The following ABCC1 variants were observed in gnomAD, a reference collection of about 807,000 sequenced individuals.
ABCC1 encodes the protein ATP binding cassette subfamily C member 1 (ABCC1 blood group).
A neutral mutation model predicts 172.9 loss-of-function variants in ABCC1; 83 were observed. The ratio of observed to expected loss-of-function variants is 0.48; its 90% CI spans 0.40 to 0.58. The LOEUF (loss-of-function observed/expected upper bound fraction) is 0.58, where lower values mean the gene tolerates loss of function less well. Among genes scored for constraint, ABCC1 ranks in the 20% least tolerant of loss-of-function variants. ABCC1 has a pLI of 0.00. For missense variants in ABCC1, 1,817 were observed against 2,002.7 expected, an observed-to-expected ratio of 0.91 and a Z score of 1.77; for synonymous variants, 937 against 825.2, an observed-to-expected ratio of 1.14 and a Z score of -2.32.
intron 23 of ABCC1, among the ~76,000 whole-genome samples, chr16:16,120,088 C>G (rs1291185496): frequency 6.6e-6 from 1 of 152,106 alleles, no homozygotes; most frequent in Non-Finnish European, 1.5e-5. Flanking sequence ...GCAATTAACG[C>G]CCGTGCCGCC....
At chr16:15,971,318 G>A (rs8047230) in intron 1 of ABCC1, among the ~76,000 whole-genome samples, 7,893 of 152,128 alleles carry the variant, frequency 0.052, 685 homozygotes, top group African/African-American at 0.18. Context: ...GTGTGGTGGC[G>A]GCCATGTTGC....
chr16:16,118,221 G>T (rs535987605), intron 23 of ABCC1, among the ~76,000 whole-genome samples: 3 of 152,078 alleles, frequency 2.0e-5, no homozygotes, highest in Non-Finnish European at 4.4e-5. Context: ...CAAAACAAGA[G>T]TAAGAAACCA....
intron 30 of ABCC1, among the ~76,000 whole-genome samples, chr16:16,139,672 A>G (rs1431100427): frequency 6.6e-6 from 1 of 151,890 alleles, no homozygotes; most frequent in Non-Finnish European, 1.5e-5. Context: ...ATACTAACAC[A>G]GTCATAAAAT....
chr16:16,069,677 A>T (rs939297259), intron 13 of ABCC1, among the ~76,000 whole-genome samples: 2 of 152,106 alleles, frequency 1.3e-5, no homozygotes, highest in African/African-American at 4.8e-5. Context: ...TGTCAAGTGT[A>T]CACAGAAGTA....
chr16:16,048,915 G>A (rs1181045260), intron 10 of ABCC1, among the ~76,000 whole-genome samples: 3 of 152,072 alleles, frequency 2.0e-5, no homozygotes, highest in Non-Finnish European at 2.9e-5. Flanking sequence ...CCTGGAAGGC[G>A]GAGGTTGCGG....
At chr16:16,141,020 G>A (rs2046106362) in intron 30 of ABCC1, among the ~76,000 whole-genome samples, 153 bp from the exon 31 acceptor site, 1 of 152,314 alleles carries the variant, frequency 6.6e-6, no homozygotes, top group South Asian at 2.1e-4. Context: ...TAGGGATTGA[G>A]GGTGAGCAAC....
chr16:16,054,221 C>T (rs1052379056), intron 11 of ABCC1, among the ~76,000 whole-genome samples: 30 of 152,034 alleles, frequency 2.0e-4, no homozygotes, highest in Non-Finnish European at 2.2e-4. Flanking sequence ...ATGATCCACC[C>T]GCCTCGGCCT....
At chr16:15,984,115 A>G (rs215064) in intron 1 of ABCC1, among the ~76,000 whole-genome samples, 131,270 of 152,164 alleles carry the variant, frequency 0.86, 56,877 homozygotes, top group African/African-American at 0.91. Flanking sequence ...GCAAAAGATG[A>G]GCAGCCTCCC....
In ABCC1 at chr16:16,122,056, A is replaced by G; in HGVS notation, c.3472A>G (p.Thr1158Ala). The G allele has an allele frequency of 6.2e-7, 1 of 1,614,050 alleles. No homozygotes were observed. Among genetic ancestry groups the G allele is most frequent in the Non-Finnish European group, 8.5e-7 (1 of 1,180,016 alleles). ...CCCGGTCTATTCCCATTTCAACGAG[A>G]CCTTGCTGGGGGTCAGCGTCATTCG... ...RSPVYSHFNE[T>A]LLGVSVIRAF... Residue 1158 changes from threonine (T) to alanine (A), a missense_variant, in exon 24 of 31, where the codon ACC (threonine) becomes GCC (alanine). Physicochemically the swap from Thr to Ala is moderately conservative, Grantham distance 58. This residue lies in a region of ABCC1 where 1,412 missense variants were observed against 1,600.3 expected (regional missense o/e 0.88). Coordinates refer to ENST00000399410, the MANE Select transcript of ABCC1 (RefSeq NM_004996.4).
intron 7 of ABCC1, among the ~76,000 whole-genome samples, chr16:16,042,645 G>A (rs1254884588): frequency 6.6e-6 from 1 of 151,498 alleles, no homozygotes; most frequent in Non-Finnish European, 1.5e-5. Flanking sequence ...GGAGGTTGCA[G>A]GGAGTCAGGA....
At chr16:16,049,548 C>T (rs1472807187) in intron 10 of ABCC1, among the ~76,000 whole-genome samples, 2 of 152,136 alleles carry the variant, frequency 1.3e-5, no homozygotes, top group Non-Finnish European at 2.9e-5. Context: ...CCTGCTCATC[C>T]CCCAAGGCTG....
intron 1 of ABCC1, among the ~76,000 whole-genome samples, chr16:15,972,889 C>T (rs1229522500): frequency 1.4e-5 from 2 of 146,878 alleles, no homozygotes; most frequent in African/African-American, 2.5e-5. Context: ...ACCTCTACCT[C>T]CTAGGCTGAA....
At chr16:16,075,680 A>G (rs2050530193) in intron 14 of ABCC1, among the ~76,000 whole-genome samples, 1 of 151,570 alleles carries the variant, frequency 6.6e-6, no homozygotes. Flanking sequence ...TGTCTCCGAC[A>G]CTCTCCCCTT....
intron 24 of ABCC1, among the ~76,000 whole-genome samples, 190 bp downstream of exon 24, chr16:16,122,364 T>G (rs1005629327): frequency 1.3e-5 from 2 of 152,132 alleles, no homozygotes; most frequent in Non-Finnish European, 2.9e-5. Flanking sequence ...ACTGTAGACA[T>G]GCAGTGCCCG....
intron 1 of ABCC1, among the ~76,000 whole-genome samples, chr16:15,958,626 C>T (rs761625228): frequency 3.3e-5 from 5 of 152,152 alleles, no homozygotes; most frequent in African/African-American, 1.2e-4. Flanking sequence ...AACTCTAGCT[C>T]GTGAAAACTT....
intron 14 of ABCC1, among the ~76,000 whole-genome samples, chr16:16,072,427 C>T (rs1458858190): frequency 1.3e-5 from 2 of 151,748 alleles, no homozygotes; most frequent in Non-Finnish European, 2.9e-5. Flanking sequence ...TCAAGCAATC[C>T]ACCTGCCTCA....
At chr16:16,102,899 C>T (rs1436441382) in intron 20 of ABCC1, among the ~76,000 whole-genome samples, 182 bp downstream of exon 20, 1 of 152,168 alleles carries the variant, frequency 6.6e-6, no homozygotes, top group African/African-American at 2.4e-5. Context: ...AGGAATGTGG[C>T]ACTCTTTTTG....
intron 21 of ABCC1, among the ~76,000 whole-genome samples, chr16:16,110,883 A>G (rs955047118): frequency 6.6e-6 from 1 of 152,010 alleles, no homozygotes; most frequent in African/African-American, 2.4e-5. Context: ...AGCTCCATGC[A>G]TGAGGGCAGA....
chr16:16,043,777 T>A (rs771802465), intron 7 of ABCC1, among the ~76,000 whole-genome samples: 11 of 152,088 alleles, frequency 7.2e-5, no homozygotes, highest in Non-Finnish European at 1.5e-4. Context: ...AATTTTTGTA[T>A]TTTTAGTAGA....
Sources: gnomAD v4.1 joint callset for allele counts (sites outside exome capture counted in the v4.1 genomes callset) on GRCh38, gnomAD v4.1.1 for gene constraint, gnomAD v4.1.1 regional missense constraint, MANE v1.5 for transcripts, NCBI Gene and HGNC (gene_info 2026-07-23, HGNC 2026-07-21) for gene names.